ADAM12: variants seen among roughly 807,000 people sequenced by gnomAD.
The protein encoded by ADAM12 is ADAM metallopeptidase domain 12.
Under a neutral mutation model 106.4 loss-of-function variants are expected in ADAM12, and 70 were observed. The observed-to-expected ratio is 0.66, with a 90% CI of 0.54 to 0.80. ADAM12 has a LOEUF of 0.80. Among genes scored for constraint, ADAM12 ranks in the 30% least tolerant of loss-of-function variants. The probability of loss-of-function intolerance (pLI) is 0.00; values close to 1 mark genes in which losing one functional copy is unlikely to be tolerated. For synonymous variants in ADAM12, 420 were observed against 433.5 expected (o/e 0.97, Z 0.39); for missense variants, 1,010 against 1,171.9 (o/e 0.86, Z 2.02).
intron 16 of ADAM12, among the ~76,000 whole-genome samples, chr10:126,047,451 G>A (rs551157827): frequency 1.6e-4 from 25 of 152,228 alleles, no homozygotes; most frequent in African/African-American, 5.5e-4. Context: ...GAATCACTGC[G>A]GATCCCTGAG....
intron 10 of ADAM12, among the ~76,000 whole-genome samples, chr10:126,096,544 G>A (rs1277068484): frequency 6.6e-6 from 1 of 152,214 alleles, no homozygotes; most frequent in East Asian, 1.9e-4. Context: ...ATTTTATGAG[G>A]ATCTCTGCTT....
rs1055752164 is a variant in ADAM12, at chr10:126,316,108, CT to C, written c.186+14303del. Reference sequence around the variant, plus strand: ...GGAGATATGATAGAATTTTTTACCCCTGATGGGCTCTTAACTCTTCCTTATG... The same window carrying C: ...GGAGATATGATAGAATTTTTTACCCCGATGGGCTCTTAACTCTTCCTTATG... On this transcript the variant is annotated intron_variant, in intron 2 of 22. Coordinates refer to ENST00000448723, the MANE Select transcript of ADAM12 (RefSeq NM_001288973.2). Among the ~76,000 whole-genome samples the C allele has an allele frequency of 7.2e-4, 110 of 152,278 alleles. 1 individual carries two copies. Among genetic ancestry groups the C allele is most frequent in the African/African-American group, 2.4e-3 (101 of 41,554 alleles).
intron 3 of ADAM12, among the ~76,000 whole-genome samples, chr10:126,209,217 C>T (rs1046751374): frequency 6.6e-6 from 1 of 152,178 alleles, no homozygotes; most frequent in Non-Finnish European, 1.5e-5. Context: ...AGACTGTTCA[C>T]ATCTTGATGA....
intron 1 of ADAM12, among the ~76,000 whole-genome samples, chr10:126,343,326 A>T (rs1012626104): frequency 6.6e-6 from 1 of 152,094 alleles, no homozygotes; most frequent in East Asian, 1.9e-4. Context: ...ATGATTTCCA[A>T]TTTCATCCAT....
rs148148057 is a variant in ADAM12 at position 126,179,773 on chromosome 10, T to C, written c.261-24468A>G. 4.6e-4 allele frequency among the ~76,000 whole-genome samples: 70 copies of C among 152,178 alleles called. 1 individual carries two copies. In the East Asian group the frequency reaches 0.012, roughly 26 times the overall value. ...TGATCAAGAGGTAAGAAAGTATAAA[T>C]AAATAGTTATTGATGCTGGGGTAGC... On this transcript the variant is annotated intron_variant, in intron 3 of 22. Transcript: ENST00000448723.
rs2081177940 is a variant in ADAM12 at position 126,378,253 on chromosome 10, T to TA, written c.88+9804dup. Among the ~76,000 whole-genome samples, 3 of 152,276 alleles carry TA rather than the reference T, an allele frequency of 2.0e-5. No homozygotes were observed. In the South Asian group the frequency reaches 6.2e-4, roughly 32 times the overall value. On this transcript the variant is annotated intron_variant, in intron 1 of 22. Coordinates refer to ENST00000448723, the MANE Select transcript of ADAM12 (RefSeq NM_001288973.2). Reference sequence around the variant, plus strand: ...AGCAACTTAACAAAATACGTTACAGTAAAAAATTTGTGTACTCTACAGCTT... The same window carrying TA: ...AGCAACTTAACAAAATACGTTACAGTAAAAAAATTTGTGTACTCTACAGCTT...
chr10:126,312,788 C>T (rs564789159), intron 2 of ADAM12, among the ~76,000 whole-genome samples: 7 of 152,234 alleles, frequency 4.6e-5, no homozygotes, highest in Admixed American at 1.3e-4. Flanking sequence ...CCGTCAAACC[C>T]GGGGACATCA....
intron 2 of ADAM12, among the ~76,000 whole-genome samples, chr10:126,313,947 G>A (rs1388486562): frequency 2.0e-5 from 3 of 152,078 alleles, no homozygotes; most frequent in Non-Finnish European, 2.9e-5. Flanking sequence ...ACTTCCCTAA[G>A]GAAGGGGTTT....
chr10:126,167,092 C>T (rs780741084), intron 3 of ADAM12, among the ~76,000 whole-genome samples: 10 of 152,306 alleles, frequency 6.6e-5, no homozygotes, highest in Middle Eastern at 3.4e-3. Context: ...TTGGCTGTAA[C>T]AGTAGCAACA....
At chr10:126,321,065 C>T (rs1854079306) in intron 2 of ADAM12, among the ~76,000 whole-genome samples, 2 of 152,134 alleles carry the variant, frequency 1.3e-5, no homozygotes, top group South Asian at 2.1e-4. Flanking sequence ...GGGAACCTGA[C>T]CTCGGGTCTC....
In ADAM12 at chr10:126,064,951, G is replaced by C; in HGVS notation, c.1464C>G (p.Leu488=). 2 of 1,613,126 alleles carry C rather than the reference G, an allele frequency of 1.2e-6. No individual in the cohort carries two copies. The highest frequency in any genetic ancestry group is 1.7e-6 in the Non-Finnish European group (2 of 1,179,720). ...GGCTGGCCCCTGTGCAGAACTCTGG[G>C]AGGTCACAGGAGTTGCTGGAGTCCC... ...ACRDSSNSCD[L]PEFCTGASPH... Residue 488 remains leucine, a synonymous_variant, in exon 14 of 23, where the codon CTC becomes CTG. Transcript: ENST00000448723. The surrounding 1 kb of genome is among the most constrained non-coding windows in gnomAD (Gnocchi z 4.4).
intron 16 of ADAM12, 126 bp from the exon 17 acceptor site, chr10:126,046,258 G>C: frequency 2.5e-6 from 2 of 811,006 alleles, no homozygotes; most frequent in Non-Finnish European, 4.2e-6. Context: ...CCTTGTCTCA[G>C]TTAATACGGA....
At chr10:126,177,039 T>C (rs1450320572) in intron 3 of ADAM12, among the ~76,000 whole-genome samples, 1 of 121,204 alleles carries the variant, frequency 8.3e-6, no homozygotes, top group African/African-American at 3.3e-5. Flanking sequence ...TGTGTGCACA[T>C]GTGCACACAC....
At chr10:126,242,525 CT>C (rs1364358158) in intron 3 of ADAM12, among the ~76,000 whole-genome samples, 2 of 152,198 alleles carry the variant, frequency 1.3e-5, no homozygotes, top group African/African-American at 2.4e-5. Context: ...CTGAGGGTTA[CT>C]TCCCTTCCAT....
intron 3 of ADAM12, among the ~76,000 whole-genome samples, chr10:126,163,320 C>A (rs1490714146): frequency 1.3e-5 from 2 of 152,206 alleles, no homozygotes; most frequent in Non-Finnish European, 2.9e-5. Context: ...TTTGGAGACA[C>A]ATGGTGTCCA....
At chr10:126,089,051 C>G (rs556106529) in intron 11 of ADAM12, among the ~76,000 whole-genome samples, 50 of 152,134 alleles carry the variant, frequency 3.3e-4, no homozygotes, top group African/African-American at 1.2e-3. Context: ...AACACGCTGC[C>G]CGCCCCAACT....
In ADAM12 at chr10:126,337,025, A is replaced by G. The variant is rs564601578; in HGVS notation, c.89-6516T>C. On this transcript the variant is annotated intron_variant, in intron 1 of 22. Transcript: ENST00000448723. ...TGAGATCATAGATGCAAACATGTAC[A>G]TGGTGTATTACTCAGGTTTTCCAGA... Among the ~76,000 whole-genome samples the G allele has an allele frequency of 6.8e-4, 104 of 152,332 alleles. 2 individuals are homozygous for G. In the South Asian group the frequency reaches 0.02, roughly 29 times the overall value.
chr10:126,333,348 G>A (rs11244958), intron 1 of ADAM12, among the ~76,000 whole-genome samples: 73,380 of 152,096 alleles, frequency 0.48, 17,946 homozygotes, highest in Middle Eastern at 0.63. Context: ...AGGATGGGAT[G>A]GTTTCCATGG....
At chr10:126,376,471 A>T (rs1564764695) in intron 1 of ADAM12, among the ~76,000 whole-genome samples, 1 of 152,248 alleles carries the variant, frequency 6.6e-6, no homozygotes, top group Non-Finnish European at 1.5e-5. Flanking sequence ...ATGTTTAAAA[A>T]TTTCATATTA....
Sources: allele counts gnomAD v4.1 joint callset (sites outside exome capture counted in the v4.1 genomes callset), GRCh38; gene constraint gnomAD v4.1.1; non-coding constraint Gnocchi (gnomAD v3.1); transcripts MANE v1.5; gene names NCBI Gene and HGNC (gene_info 2026-07-23, HGNC 2026-07-21).